APBA1: variants seen among roughly 807,000 people sequenced by gnomAD.
APBA1 encodes the protein amyloid beta precursor protein binding family A member 1.
APBA1 carries 55 observed loss-of-function variants against 86.6 expected under a neutral mutation model. That is an observed-to-expected ratio of 0.64 (90% CI 0.51 to 0.80). The LOEUF is 0.80. APBA1 is among the 30% of genes least tolerant of loss of function. The pLI is 0.00. For missense variants in APBA1, 1,090 were observed against 1,183.0 expected (o/e 0.92, Z 1.15); for synonymous variants, 511 against 493.9 (o/e 1.03, Z -0.46).
At position 69,430,389 on chromosome 9, in the gene APBA1, C is replaced by A. The variant is rs182080317; in HGVS notation, c.*938G>T. 5 of 152,350 alleles carry A rather than the reference C, an allele frequency of 3.3e-5. No homozygotes were observed. 9.4% of individuals were successfully genotyped at this position (152,350 alleles called of 1,614,324 possible). On this transcript the variant is annotated 3_prime_UTR_variant, in exon 13 of 13. Transcript: ENST00000265381. Reference sequence around the variant, plus strand: ...GCCTCAGCGCAGAGAGGGCAGGTCTCTCAGGATGAGGCTGAGCAGCCCCCG... The same window carrying A: ...GCCTCAGCGCAGAGAGGGCAGGTCTATCAGGATGAGGCTGAGCAGCCCCCG...
intron 1 of APBA1, among the ~76,000 whole-genome samples, chr9:69,549,673 C>T (rs1588356738): frequency 6.6e-6 from 1 of 152,034 alleles, no homozygotes; most frequent in African/African-American, 2.4e-5. Context: ...AAATTCGATT[C>T]ATATCAATTC....
At position 69,555,857 on chromosome 9, in the gene APBA1, G is replaced by A. The variant is rs540658292; in HGVS notation, c.-69-38578C>T. ...CATGTCCTCTGCTCATTTATCCATT[G>A]TGGCCTTAGTGTTATTCATAAGAAT... On this transcript the variant is annotated intron_variant, in intron 1 of 12. Coordinates refer to ENST00000265381, the MANE Select transcript of APBA1 (RefSeq NM_001163.4). 3.9e-5 allele frequency among the ~76,000 whole-genome samples: 6 copies of A among 152,184 alleles called. No homozygotes were observed. The South Asian group carries it at 1.0e-3, about 26-fold the overall frequency.
At chr9:69,606,263 G>A (rs1822469179) in intron 1 of APBA1, among the ~76,000 whole-genome samples, 2 of 152,200 alleles carry the variant, frequency 1.3e-5, no homozygotes, top group Non-Finnish European at 2.9e-5. Context: ...GAGCAACAGA[G>A]AAGGTAGAGG....
rs1246070780 is a variant in APBA1 at position 69,449,772 on chromosome 9, C to T, written c.1993G>A (p.Glu665Lys). ...TCCACAATCACCACACCTAGGATTTCTCCTTTCTGCTTCTCTATGAAAACC... is the reference window on the plus strand; with the variant it reads ...TCCACAATCACCACACCTAGGATTTTTCCTTTCTGCTTCTCTATGAAAACC... ...KDVFIEKQKG[E>K]ILGVVIVESG... is the part of the protein sequence containing the mutation. The change falls in exon 10 of 13, where the codon GAA becomes AAA. Residue 665 changes from glutamate (E) to lysine (K), a missense_variant. Physicochemically the swap from Glu to Lys is moderately conservative, Grantham distance 56. Transcript: ENST00000265381. 6.2e-7 allele frequency: 1 copy of T among 1,611,582 alleles called. No homozygotes were observed. Among genetic ancestry groups the T allele is most frequent in the Non-Finnish European group, 8.5e-7 (1 of 1,177,944 alleles).
intron 1 of APBA1, among the ~76,000 whole-genome samples, chr9:69,567,141 A>G (rs989717850): frequency 2.0e-5 from 3 of 152,196 alleles, no homozygotes; most frequent in African/African-American, 7.2e-5. Context: ...TCATTCAACA[A>G]GTATTTGTTG....
intron 1 of APBA1, among the ~76,000 whole-genome samples, chr9:69,634,564 G>T (rs141753149): frequency 1.4e-3 from 217 of 152,240 alleles, no homozygotes; most frequent in African/African-American, 4.5e-3. Context: ...TATTCAAAGG[G>T]ATAATAACAG....
At chr9:69,556,578 G>C (rs989413801) in intron 1 of APBA1, among the ~76,000 whole-genome samples, 1 of 152,134 alleles carries the variant, frequency 6.6e-6, no homozygotes, top group Admixed American at 6.6e-5. Flanking sequence ...AGAAAAACAC[G>C]AGCCTCTGCA....
chr9:69,529,600 C>A (rs1836393160), intron 1 of APBA1, among the ~76,000 whole-genome samples: 1 of 152,154 alleles, frequency 6.6e-6, no homozygotes, highest in Non-Finnish European at 1.5e-5. Flanking sequence ...TCACTAATTT[C>A]ATTTTGGCTC....
At position 69,516,170 on chromosome 9, in the gene APBA1, C is replaced by T. The variant is rs150860646; in HGVS notation, c.1041G>A (p.Ser347=). The change falls in exon 2 of 13, where the codon TCG becomes TCA. Residue 347 remains serine, a synonymous_variant. Coordinates refer to ENST00000265381, the MANE Select transcript of APBA1 (RefSeq NM_001163.4). The surrounding 1 kb of genome is among the most constrained non-coding windows in gnomAD (Gnocchi z 7.3). The part of the protein sequence containing the change: ...RYSKEKRDAI[S]LAIKDIKEAI... ...CCTCCTTGATGTCCTTGATGGCCAG[C>T]GAGATGGCATCGCGCTTCTCCTTGC... 667 of 1,610,844 alleles carry T rather than the reference C, an allele frequency of 4.1e-4. 1 individual carries two copies. The African/African-American group carries it at 7.8e-3, about 19-fold the overall frequency.
chr9:69,459,421 G>C (rs1014425515), intron 5 of APBA1, among the ~76,000 whole-genome samples: 5 of 152,182 alleles, frequency 3.3e-5, no homozygotes, highest in Admixed American at 6.5e-5. Flanking sequence ...GGATTTGTCT[G>C]TGTATCCTGA....
At chr9:69,652,228 A>G (rs1419190676) in intron 1 of APBA1, among the ~76,000 whole-genome samples, 1 of 152,248 alleles carries the variant, frequency 6.6e-6, no homozygotes. Context: ...GGCAGCCTCA[A>G]CAGACTAATA....
At chr9:69,481,741 C>G (rs998522174) in intron 2 of APBA1, among the ~76,000 whole-genome samples, 3 of 150,130 alleles carry the variant, frequency 2.0e-5, no homozygotes, top group Admixed American at 1.3e-4. Flanking sequence ...CTACAGTAAC[C>G]ACAACAGCAT....
chr9:69,658,406 C>CTCTT (rs1216461016), intron 1 of APBA1, among the ~76,000 whole-genome samples: 11 of 146,976 alleles, frequency 7.5e-5, no homozygotes, highest in Admixed American at 5.5e-4. Context: ...CTTTCCCTCT[C>CTCTT]TCTTTCTTTC....
At chr9:69,502,263 T>C (rs1459970854) in intron 2 of APBA1, among the ~76,000 whole-genome samples, 1 of 152,068 alleles carries the variant, frequency 6.6e-6, no homozygotes, top group Non-Finnish European at 1.5e-5. Flanking sequence ...ATGGTGATGG[T>C]CTGATGTCAG....
intron 3 of APBA1, chr9:69,474,231 A>T (rs1164269067): frequency 2.0e-5 from 3 of 152,190 alleles, no homozygotes. Flanking sequence ...TTGTCCATGT[A>T]GTCTGTGACC....
intron 1 of APBA1, among the ~76,000 whole-genome samples, chr9:69,607,090 T>C (rs1484853198): frequency 1.3e-5 from 2 of 152,230 alleles, no homozygotes; most frequent in Non-Finnish European, 2.9e-5. Context: ...TTGTCTGTTA[T>C]TATCTCTTTG....
rs1835368217 is a variant in APBA1, at chr9:69,471,646, C to T, written c.1336+10G>A. 1 of 1,612,142 alleles carries T rather than the reference C, an allele frequency of 6.2e-7. No homozygotes were observed. Among genetic ancestry groups the T allele is most frequent in the Non-Finnish European group, 8.5e-7 (1 of 1,178,506 alleles). ...GACTCAGTGCTCAGTATTTTCTTTTCAGCTCTTACCTTCAACGTAGGTTGG... is the reference window on the plus strand; with the variant it reads ...GACTCAGTGCTCAGTATTTTCTTTTTAGCTCTTACCTTCAACGTAGGTTGG... On this transcript the variant is annotated intron_variant, in intron 4 of 12. Coordinates refer to ENST00000265381, the MANE Select transcript of APBA1 (RefSeq NM_001163.4).
At chr9:69,535,351 A>G (rs867182035) in intron 1 of APBA1, among the ~76,000 whole-genome samples, 1 of 152,302 alleles carries the variant, frequency 6.6e-6, no homozygotes, top group Middle Eastern at 3.4e-3. Context: ...TCCAGCATTC[A>G]GTGGTGCTAA....
intron 2 of APBA1, among the ~76,000 whole-genome samples, chr9:69,488,339 T>C (rs942210374): frequency 1.3e-5 from 2 of 152,108 alleles, no homozygotes; most frequent in African/African-American, 4.8e-5. Flanking sequence ...AAAAAAAATA[T>C]AACTAAGATC....
Sources: gnomAD v4.1 joint callset for allele counts (sites outside exome capture counted in the v4.1 genomes callset) on GRCh38, gnomAD v4.1.1 for gene constraint, Gnocchi (gnomAD v3.1) non-coding constraint, MANE v1.5 for transcripts, NCBI Gene and HGNC (gene_info 2026-07-23, HGNC 2026-07-21) for gene names.